MAPK4: variants seen among roughly 807,000 people sequenced by gnomAD.
MAPK4 encodes mitogen-activated protein kinase 4.
In MAPK4, 22 loss-of-function variants were observed where a neutral mutation model predicts 47.7. The observed-to-expected ratio is 0.46, with a 90% CI of 0.33 to 0.66. MAPK4 has a LOEUF of 0.66. Among genes scored for constraint, MAPK4 ranks in the 30% least tolerant of loss-of-function variants. The pLI is 0.02. For synonymous variants in MAPK4, 390 were observed against 365.7 expected (o/e 1.07, Z -0.76); for missense variants, 736 against 831.7 (o/e 0.88, Z 1.42).
rs59999100 is a variant in MAPK4, at chr18:50,673,804, C to T, written c.546+9300C>T. Among the ~76,000 whole-genome samples the T allele has an allele frequency of 4.7e-3, 722 of 152,098 alleles. 48 individuals carry two copies. The East Asian group carries it at 0.12, about 25-fold the overall frequency. On this transcript the variant is annotated intron_variant, in intron 2 of 5. Coordinates refer to ENST00000400384, the MANE Select transcript of MAPK4 (RefSeq NM_002747.4). ...CCAGGAGGCGGAGCTTGCAGTGAGC[C>T]GAGATTGTGCCACTGCACTCCAGCC...
At chr18:50,684,255 A>G (rs943980419) in intron 2 of MAPK4, among the ~76,000 whole-genome samples, 1 of 152,218 alleles carries the variant, frequency 6.6e-6, no homozygotes, top group African/African-American at 2.4e-5. Context: ...GCAATTAAGA[A>G]GAGCTTTGAC....
intron 4 of MAPK4, among the ~76,000 whole-genome samples, chr18:50,725,034 T>A (rs1911120592): frequency 6.6e-6 from 1 of 152,218 alleles, no homozygotes; most frequent in Non-Finnish European, 1.5e-5. Context: ...GGGCCACCAG[T>A]GCCTGTGTGC....
chr18:50,666,989 G>C (rs541735571), intron 2 of MAPK4, among the ~76,000 whole-genome samples: 1 of 152,218 alleles, frequency 6.6e-6, no homozygotes, highest in African/African-American at 2.4e-5. Context: ...AGCTTACACA[G>C]CTGATATGGC....
chr18:50,677,265 T>C (rs1908325749), intron 2 of MAPK4, among the ~76,000 whole-genome samples: 1 of 152,198 alleles, frequency 6.6e-6, no homozygotes. Flanking sequence ...GGGCTAGAAG[T>C]AAAAACTCCA....
At chr18:50,603,743 T>G (rs1393418273) in intron 1 of MAPK4, among the ~76,000 whole-genome samples, 1 of 152,188 alleles carries the variant, frequency 6.6e-6, no homozygotes, top group East Asian at 1.9e-4. Context: ...CTTTCTTTCT[T>G]CTTAAAAAAT....
At chr18:50,621,191 T>C (rs948729125) in intron 1 of MAPK4, among the ~76,000 whole-genome samples, 1 of 152,208 alleles carries the variant, frequency 6.6e-6, no homozygotes, top group Non-Finnish European at 1.5e-5. Flanking sequence ...ATAAATCTTC[T>C]GACTCCAAAA....
chr18:50,696,591 C>G (rs1912479978), intron 2 of MAPK4, among the ~76,000 whole-genome samples: 1 of 152,244 alleles, frequency 6.6e-6, no homozygotes, highest in African/African-American at 2.4e-5. Flanking sequence ...ACCCTGAACG[C>G]AAACCCAGAG....
At chr18:50,719,955 C>A (rs1157505056) in intron 3 of MAPK4, among the ~76,000 whole-genome samples, 1 of 152,200 alleles carries the variant, frequency 6.6e-6, no homozygotes. Flanking sequence ...AACACCTTCC[C>A]CGGAAGTCCT....
intron 1 of MAPK4, among the ~76,000 whole-genome samples, chr18:50,627,326 A>G (rs1330851981): frequency 6.6e-6 from 1 of 152,206 alleles, no homozygotes; most frequent in Non-Finnish European, 1.5e-5. Context: ...GAAGGTTCTG[A>G]AAGCAAGAAG....
intron 1 of MAPK4, among the ~76,000 whole-genome samples, chr18:50,564,163 A>T (rs1483057112): frequency 6.6e-6 from 1 of 152,174 alleles, no homozygotes; most frequent in East Asian, 1.9e-4. Flanking sequence ...GCTCTCTGTG[A>T]GCCACCTGTC....
chr18:50,665,481 G>C (rs1016446052), intron 2 of MAPK4, among the ~76,000 whole-genome samples: 1 of 152,230 alleles, frequency 6.6e-6, no homozygotes, highest in South Asian at 2.1e-4. Flanking sequence ...TAGGTGTACA[G>C]TAGTCTGTTA....
chr18:50,640,284 A>G (rs2071466206), intron 1 of MAPK4, among the ~76,000 whole-genome samples: 1 of 151,868 alleles, frequency 6.6e-6, no homozygotes, highest in African/African-American at 2.4e-5. Context: ...ATGGCTATTC[A>G]GGGGCCATGC....
chr18:50,698,580 C>T (rs1909624377), intron 2 of MAPK4, among the ~76,000 whole-genome samples: 1 of 151,938 alleles, frequency 6.6e-6, no homozygotes, highest in Non-Finnish European at 1.5e-5. Context: ...TTTCAATTAA[C>T]AAATAATAGA....
At chr18:50,634,133 A>G (rs1205924009) in intron 1 of MAPK4, among the ~76,000 whole-genome samples, 1 of 152,140 alleles carries the variant, frequency 6.6e-6, no homozygotes, top group Non-Finnish European at 1.5e-5. Flanking sequence ...AATATGCTCA[A>G]TGAAAACCGG....
At chr18:50,570,433 AC>A (rs2042239462) in intron 1 of MAPK4, among the ~76,000 whole-genome samples, 1 of 152,216 alleles carries the variant, frequency 6.6e-6, no homozygotes, top group African/African-American at 2.4e-5. Flanking sequence ...GGAATGTAGG[AC>A]CAAGGGAAGT....
chr18:50,676,111 C>T (rs935123962), intron 2 of MAPK4, among the ~76,000 whole-genome samples: 2 of 152,220 alleles, frequency 1.3e-5, no homozygotes, highest in Admixed American at 6.5e-5. Flanking sequence ...CTCTATTTTA[C>T]ATGAATATGG....
In MAPK4 at chr18:50,665,995, A is replaced by T. The variant is rs192282891; in HGVS notation, c.546+1491A>T. ...CACCAAACCAAGGGTTTTAATCCAA[A>T]TCTGTTCTTACTTGGTAAAAAACCT... On this transcript the variant is annotated intron_variant, in intron 2 of 5. Transcript: ENST00000400384. Among the ~76,000 whole-genome samples, 39 of 152,280 alleles carry T rather than the reference A, an allele frequency of 2.6e-4. 1 individual carries two copies. The highest frequency in any genetic ancestry group is 8.9e-4 in the African/African-American group (37 of 41,558).
chr18:50,687,307 G>A (rs1035445320), intron 2 of MAPK4, among the ~76,000 whole-genome samples: 26 of 152,154 alleles, frequency 1.7e-4, no homozygotes, highest in African/African-American at 3.9e-4. Context: ...TTACAGGCGT[G>A]AGCCACCATG....
At chr18:50,583,011 C>G (rs975033969) in intron 1 of MAPK4, among the ~76,000 whole-genome samples, 7 of 152,208 alleles carry the variant, frequency 4.6e-5, no homozygotes, top group Admixed American at 4.6e-4. Context: ...TGTCACAGCT[C>G]TTTTCGTTCC....
Sources: allele counts gnomAD v4.1 joint callset (sites outside exome capture counted in the v4.1 genomes callset), GRCh38; gene constraint gnomAD v4.1.1; transcripts MANE v1.5; gene names NCBI Gene and HGNC (gene_info 2026-07-23, HGNC 2026-07-21).